The following PTPRQ variants were observed in gnomAD, a reference collection of about 807,000 sequenced individuals.
The protein encoded by PTPRQ is phosphatidylinositol phosphatase PTPRQ.
PTPRQ carries 199 observed loss-of-function variants against 246.0 expected under a neutral mutation model. The observed-to-expected ratio is 0.81, with a 90% CI of 0.72 to 0.91. The LOEUF (loss-of-function observed/expected upper bound fraction) is 0.91, where lower values mean the gene tolerates loss of function less well. Ranked by LOEUF, PTPRQ falls within the 40% of genes least tolerant of loss-of-function variation. The pLI, the probability that PTPRQ is intolerant of heterozygous loss-of-function variation, is 0.00. For missense variants in PTPRQ, 2,624 were observed against 2,528.4 expected (o/e 1.04, Z -0.81); for synonymous variants, 869 against 853.2 (o/e 1.02, Z -0.32).
chr12:80,658,096 A>G (rs1900503528), intron 39 of PTPRQ, 35 bp downstream of exon 39: 2 of 1,181,732 alleles, frequency 1.7e-6, no homozygotes, highest in East Asian at 6.0e-5. Context: ...ATAATTGTAT[A>G]AAACATAATT....
At chr12:80,673,641 A>G (rs996742921) in intron 43 of PTPRQ, among the ~76,000 whole-genome samples, 2 of 152,152 alleles carry the variant, frequency 1.3e-5, no homozygotes, top group Admixed American at 6.6e-5. Flanking sequence ...TCTTTTGAAT[A>G]TCATTATCTT....
chr12:80,509,341 G>T (rs1895056558), intron 16 of PTPRQ, among the ~76,000 whole-genome samples: 2 of 152,040 alleles, frequency 1.3e-5, no homozygotes, highest in Non-Finnish European at 2.9e-5. Flanking sequence ...AAATATTGAA[G>T]TAAGTCAGGT....
chr12:80,490,450 T>C (rs538936407), intron 9 of PTPRQ, among the ~76,000 whole-genome samples: 1 of 152,142 alleles, frequency 6.6e-6, no homozygotes, highest in East Asian at 1.9e-4. Flanking sequence ...TGAAGACTCC[T>C]AATTCTTTCA....
chr12:80,474,867 TAAAC>T lies in PTPRQ; in HGVS notation c.1186+2618_1186+2621del, dbSNP rs532982488. Among the ~76,000 whole-genome samples, 412 of 152,292 alleles carry T rather than the reference TAAAC, an allele frequency of 2.7e-3. 4 individuals are homozygous for T. The highest frequency in any genetic ancestry group is 9.4e-3 in the African/African-American group (389 of 41,572). On this transcript the variant is annotated intron_variant, in intron 8 of 44. Coordinates refer to ENST00000644991, the MANE Select transcript of PTPRQ (RefSeq NM_001145026.2). ...TCTGAGATTCTTGTTTACTCCCTCTTAAACAGACTATGGCAGTGAAGACGTTTGT... is the reference window on the plus strand; with the variant it reads ...TCTGAGATTCTTGTTTACTCCCTCTTAGACTATGGCAGTGAAGACGTTTGT...
chr12:80,484,479 G>A lies in PTPRQ; in HGVS notation c.1233G>A (p.Thr411=), dbSNP rs185755490. 5.0e-3 allele frequency: 7,800 copies of A among 1,550,912 alleles called. 57 individuals carry two copies. Among genetic ancestry groups the A allele is most frequent in the Non-Finnish European group, 4.3e-3 (4,920 of 1,146,732 alleles). The change falls in exon 9 of 45, where the codon ACG becomes ACA. Residue 411 remains threonine (T), a synonymous_variant. Transcript: ENST00000644991. The part of the protein sequence containing the change: ...FDLQLAEVES[T]QVRITWKKPR... ...TACAACTTGCAGAGGTAGAATCCAC[G>A]CAAGTAAGAATTACTTGGAAGAAAC...
At chr12:80,521,854 T>C (rs946936891) in intron 17 of PTPRQ, among the ~76,000 whole-genome samples, 14 of 152,198 alleles carry the variant, frequency 9.2e-5, no homozygotes, top group African/African-American at 3.4e-4. Flanking sequence ...GGGCTCTTTT[T>C]TGGTTCCATA....
intron 19 of PTPRQ, among the ~76,000 whole-genome samples, chr12:80,538,701 C>G (rs1896059690): frequency 6.6e-6 from 1 of 152,012 alleles, no homozygotes; most frequent in African/African-American, 2.4e-5. Flanking sequence ...ATTTCAGAAC[C>G]ATTCTTACTA....
In PTPRQ at chr12:80,620,319, T is replaced by G. The variant is rs1180115980; in HGVS notation, c.5555T>G (p.Ile1852Ser). Residue 1852 changes from isoleucine to serine, a missense_variant, in exon 32 of 45, where the codon ATT becomes AGT. By Grantham distance (142) the Ile-to-Ser change is moderately radical (BLOSUM62 -2). Transcript: ENST00000644991. ...YIIGADNACM[I>S]PGNEDKICNG... ...ATAGGTGCTGATAATGCATGCATGATTCCTGGCAATGAAGACAAAATTTGC... is the reference window on the plus strand; with the variant it reads ...ATAGGTGCTGATAATGCATGCATGAGTCCTGGCAATGAAGACAAAATTTGC... 1.9e-6 allele frequency: 3 copies of G among 1,549,450 alleles called. No homozygotes were observed. The highest frequency in any genetic ancestry group is 2.6e-6 in the Non-Finnish European group (3 of 1,145,526).
intron 25 of PTPRQ, among the ~76,000 whole-genome samples, chr12:80,578,509 G>A (rs1240581783): frequency 1.3e-5 from 2 of 151,894 alleles, no homozygotes; most frequent in East Asian, 3.9e-4. Flanking sequence ...TCCTGCCTCA[G>A]CCTCCTGAGT....
intron 25 of PTPRQ, among the ~76,000 whole-genome samples, chr12:80,571,532 C>T (rs185953281): frequency 8.5e-5 from 13 of 152,254 alleles, no homozygotes; most frequent in East Asian, 5.8e-4. Context: ...CATAATCAGA[C>T]GAGTTTAATT....
chr12:80,515,098 G>A (rs916755902), intron 17 of PTPRQ, among the ~76,000 whole-genome samples: 3 of 151,950 alleles, frequency 2.0e-5, no homozygotes, highest in South Asian at 2.1e-4. Context: ...TAAGTGTAGC[G>A]AAGGAAATGG....
At chr12:80,505,936 A>G (rs1244393775) in intron 14 of PTPRQ, 88 bp from the exon 15 acceptor site, 2 of 1,377,248 alleles carry the variant, frequency 1.5e-6, no homozygotes, top group Non-Finnish European at 1.9e-6. Flanking sequence ...TCAATTGTAA[A>G]TAACCTAGTG....
At chr12:80,510,726 T>A (rs1299160776) in intron 17 of PTPRQ, among the ~76,000 whole-genome samples, 1 of 152,204 alleles carries the variant, frequency 6.6e-6, no homozygotes, top group Non-Finnish European at 1.5e-5. Flanking sequence ...TTTGTATGAA[T>A]GTAAGCATAT....
intron 31 of PTPRQ, 108 bp downstream of exon 31, chr12:80,619,650 T>C: frequency 2.4e-6 from 2 of 821,830 alleles, no homozygotes; most frequent in Non-Finnish European, 3.3e-6. Context: ...CACACACCTC[T>C]TGAGATTAAT....
intron 43 of PTPRQ, among the ~76,000 whole-genome samples, chr12:80,677,987 A>T (rs568854878): frequency 5.3e-5 from 8 of 152,256 alleles, no homozygotes; most frequent in African/African-American, 1.4e-4. Context: ...AAGGATCCAA[A>T]TGGTACTGAA....
rs140773393 is a variant in PTPRQ at position 80,659,528 on chromosome 12, T to C, written c.6192+1467T>C. ...ATCAACAGCTCATATTGTCTAATGT[T>C]CCATAAGGCATGACAGTACAGGATA... On this transcript the variant is annotated intron_variant, in intron 39 of 44. Transcript: ENST00000644991. 2.5e-3 allele frequency among the ~76,000 whole-genome samples: 376 copies of C among 152,170 alleles called. 12 individuals carry two copies. Among genetic ancestry groups the C allele is most frequent in the Admixed American group, 0.023 (343 of 15,232 alleles).
chr12:80,444,285 C>A lies in PTPRQ; in HGVS notation c.-61C>A. 2.4e-6 allele frequency: 2 copies of A among 838,282 alleles called. No homozygotes were observed. The highest frequency in any genetic ancestry group is 4.0e-6 in the Non-Finnish European group (2 of 506,140). 51.9% of individuals were successfully genotyped at this position (838,282 alleles called of 1,614,324 possible). A position where few individuals can be genotyped will look rare whatever the true frequency, so the allele number is the denominator to read the frequency against. ...AGGATCTGTCTTTAAATCATTAATGCAGGCAACATTTCTCTCTAGAGCCAT... is the reference window on the plus strand; with the variant it reads ...AGGATCTGTCTTTAAATCATTAATGAAGGCAACATTTCTCTCTAGAGCCAT... On this transcript the variant is annotated 5_prime_UTR_variant, in exon 1 of 45. Transcript: ENST00000644991.
intron 6 of PTPRQ, among the ~76,000 whole-genome samples, chr12:80,461,178 A>T (rs1206425320): frequency 2.0e-5 from 3 of 152,138 alleles, no homozygotes; most frequent in Non-Finnish European, 4.4e-5. Context: ...AATGTCAGCA[A>T]TTTTTAGTAA....
At chr12:80,445,947 T>C (rs1892541047) in intron 3 of PTPRQ, among the ~76,000 whole-genome samples, 1 of 151,904 alleles carries the variant, frequency 6.6e-6, no homozygotes, top group Non-Finnish European at 1.5e-5. Flanking sequence ...TCATTTTTTC[T>C]ATGAATATTT....
Sources: gnomAD v4.1 joint callset for allele counts (sites outside exome capture counted in the v4.1 genomes callset) on GRCh38, gnomAD v4.1.1 for gene constraint, MANE v1.5 for transcripts, NCBI Gene and HGNC (gene_info 2026-07-23, HGNC 2026-07-21) for gene names.